CDH23: variants seen among roughly 807,000 people sequenced by gnomAD.
CDH23 encodes the protein cadherin-23.
A neutral mutation model predicts 317.1 loss-of-function variants in CDH23; 189 were observed. The ratio of observed to expected loss-of-function variants is 0.60; its 90% CI spans 0.53 to 0.67. CDH23 has a LOEUF of 0.67. Among genes scored for constraint, CDH23 ranks in the 30% least tolerant of loss-of-function variants. The probability of loss-of-function intolerance (pLI) is 0.00; values close to 1 mark genes in which losing one functional copy is unlikely to be tolerated. For missense variants in CDH23, 4,401 were observed against 4,592.4 expected, an observed-to-expected ratio of 0.96 and a Z score of 1.20; for synonymous variants, 1,839 against 1,876.8, an observed-to-expected ratio of 0.98 and a Z score of 0.52.
At chr10:71,540,975 C>T (rs1453423908) in intron 6 of CDH23, among the ~76,000 whole-genome samples, 1 of 151,982 alleles carries the variant, frequency 6.6e-6, no homozygotes, top group African/African-American at 2.4e-5. Flanking sequence ...CACGCAGGCC[C>T]TACCCAACTC....
At chr10:71,728,709 C>T (rs1866923147) in intron 30 of CDH23, among the ~76,000 whole-genome samples, 1 of 152,218 alleles carries the variant, frequency 6.6e-6, no homozygotes. Flanking sequence ...CCGGCCCCAG[C>T]TCTGTTTGGC....
intron 14 of CDH23, among the ~76,000 whole-genome samples, chr10:71,667,219 T>C (rs1863939447): frequency 6.6e-6 from 1 of 151,950 alleles, no homozygotes; most frequent in East Asian, 1.9e-4. Context: ...TGAGGAGTGA[T>C]TGAGTGCGTG....
At position 71,779,381 on chromosome 10, in the gene CDH23, G is replaced by A. The variant is rs1840895853; in HGVS notation, c.5302G>A (p.Ala1768Thr). ...GGGGCCCAGAGTGTGGACCTTCCTG[G>A]CCCATGACCGAGACTCAGGACCCAA... The part of the protein sequence containing the change: ...QPGPRVWTFL[A>T]HDRDSGPNGQ... Residue 1768 changes from alanine (A) to threonine (T), a missense_variant, in exon 41 of 70, where the codon GCC becomes ACC. Physicochemically the swap from Ala to Thr is moderately conservative, Grantham distance 58. Around this residue, in one of 3 missense-constraint regions of CDH23, gnomAD observed 3,068 missense variants for 3,203.3 expected, o/e 0.96. Coordinates refer to ENST00000224721, the MANE Select transcript of CDH23 (RefSeq NM_022124.6). The A allele has an allele frequency of 1.2e-6, 2 of 1,613,742 alleles. No individual in the cohort carries two copies.
chr10:71,522,619 C>T (rs1394573305), intron 6 of CDH23, among the ~76,000 whole-genome samples: 1 of 152,180 alleles, frequency 6.6e-6, no homozygotes, highest in Non-Finnish European at 1.5e-5. Flanking sequence ...TGATATGGGA[C>T]AGTCCGCCTA....
At chr10:71,791,087 A>G in intron 46 of CDH23, 45 bp from the exon 47 acceptor site, 2 of 1,503,794 alleles carry the variant, frequency 1.3e-6, no homozygotes, top group Non-Finnish European at 1.8e-6. Flanking sequence ...TTCCCACCGC[A>G]CCCCTTTTCT....
chr10:71,452,535 G>C (rs1850499546), intron 3 of CDH23, among the ~76,000 whole-genome samples: 1 of 152,046 alleles, frequency 6.6e-6, no homozygotes, highest in African/African-American at 2.4e-5. Flanking sequence ...GCAAAGTCCT[G>C]CTCCTCTTTC....
In CDH23 at chr10:71,529,703, A is replaced by T. The variant is rs547209157; in HGVS notation, c.429+18491A>T. On this transcript the variant is annotated intron_variant, in intron 6 of 69. Coordinates refer to ENST00000224721, the MANE Select transcript of CDH23 (RefSeq NM_022124.6). ...AGGGAAACTAGAGTGTATCACACTC[A>T]TACTTTAAGACTGTCTCTCCCTTAC... Among the ~76,000 whole-genome samples the T allele has an allele frequency of 2.0e-5, 3 of 152,284 alleles. No homozygotes were observed. The East Asian group carries it at 5.8e-4, about 29-fold the overall frequency.
chr10:71,732,491 G>T (rs1019189036), intron 32 of CDH23, 116 bp downstream of exon 32: 7 of 1,452,894 alleles, frequency 4.8e-6, no homozygotes, highest in Non-Finnish European at 6.5e-6. Flanking sequence ...AGATGGCCAA[G>T]TGTGGTGTTA....
chr10:71,740,164 C>T (rs539905839), intron 36 of CDH23, among the ~76,000 whole-genome samples: 4 of 152,334 alleles, frequency 2.6e-5, no homozygotes, highest in South Asian at 2.1e-4. Context: ...CCCCGTCTGG[C>T]CTGCCCTGTG....
intron 2 of CDH23, among the ~76,000 whole-genome samples, chr10:71,444,566 C>T (rs1029652069): frequency 1.4e-4 from 21 of 152,144 alleles, no homozygotes; most frequent in African/African-American, 5.1e-4. Context: ...GAAGGGCCAT[C>T]GGTCCTGGCC....
chr10:71,557,056 C>T (rs111371605), intron 6 of CDH23, among the ~76,000 whole-genome samples: 1 of 152,206 alleles, frequency 6.6e-6, no homozygotes, highest in African/African-American at 2.4e-5. Context: ...AACATACATA[C>T]ACCCTACATA....
At chr10:71,444,406 G>A (rs889743777) in intron 2 of CDH23, among the ~76,000 whole-genome samples, 1 of 152,226 alleles carries the variant, frequency 6.6e-6, no homozygotes, top group Admixed American at 6.5e-5. Flanking sequence ...CACCACCTCT[G>A]TCTGAGGCTG....
At chr10:71,672,387 C>T (rs3849960) in intron 14 of CDH23, among the ~76,000 whole-genome samples, 51,869 of 151,988 alleles carry the variant, frequency 0.34, 9,957 homozygotes, top group South Asian at 0.47. Flanking sequence ...GCACTGGCCC[C>T]GCACCCATCA....
intron 24 of CDH23, among the ~76,000 whole-genome samples, 196 bp downstream of exon 24, chr10:71,702,890 GGAGA>G (rs1865645545): frequency 6.6e-6 from 1 of 152,146 alleles, no homozygotes; most frequent in Non-Finnish European, 1.5e-5. Flanking sequence ...GTAGAGAGAG[GGAGA>G]GAGGCAAAGA....
At chr10:71,620,420 C>T (rs1326513728) in intron 11 of CDH23, among the ~76,000 whole-genome samples, 1 of 152,174 alleles carries the variant, frequency 6.6e-6, no homozygotes, top group African/African-American at 2.4e-5. Flanking sequence ...GGCCGGAACC[C>T]CCCAGGACTG....
At chr10:71,523,753 T>C (rs1478019723) in intron 6 of CDH23, among the ~76,000 whole-genome samples, 1 of 152,180 alleles carries the variant, frequency 6.6e-6, no homozygotes, top group Non-Finnish European at 1.5e-5. Flanking sequence ...TTCAAATGTA[T>C]TGAGTCCCTG....
intron 38 of CDH23, among the ~76,000 whole-genome samples, chr10:71,756,945 A>T (rs1253467539): frequency 6.6e-6 from 1 of 152,226 alleles, no homozygotes; most frequent in African/African-American, 2.4e-5. Flanking sequence ...GTTTTCAGTC[A>T]CTTTAGAAGT....
chr10:71,469,599 T>C (rs1173133570), intron 3 of CDH23, among the ~76,000 whole-genome samples: 1 of 139,158 alleles, frequency 7.2e-6, no homozygotes, highest in Non-Finnish European at 1.5e-5. Context: ...TTCGTGAACA[T>C]TTGTGTCCCC....
intron 38 of CDH23, chr10:71,748,560 A>G (rs1769955498): frequency 2.0e-5 from 3 of 152,258 alleles, no homozygotes; most frequent in Non-Finnish European, 2.9e-5. Flanking sequence ...GGAGATAGGT[A>G]AGATGGCCCC....
Sources: gnomAD v4.1 joint callset for allele counts (sites outside exome capture counted in the v4.1 genomes callset) on GRCh38, gnomAD v4.1.1 for gene constraint, gnomAD v4.1.1 regional missense constraint, MANE v1.5 for transcripts, NCBI Gene and HGNC (gene_info 2026-07-23, HGNC 2026-07-21) for gene names.